WNK3: variants seen among roughly 807,000 people sequenced by gnomAD.
WNK3 encodes WNK lysine deficient protein kinase 3.
A neutral mutation model predicts 116.7 loss-of-function variants in WNK3; 18 were observed. The observed-to-expected ratio is 0.15, with a 90% CI of 0.11 to 0.23. WNK3 has a LOEUF of 0.23. Among genes scored for constraint, WNK3 ranks in the 10% least tolerant of loss-of-function variants. WNK3 has a pLI of 1.00. For synonymous variants in WNK3, 404 were observed against 469.4 expected (o/e 0.86, Z 1.80); for missense variants, 993 against 1,323.8 (o/e 0.75, Z 3.88).
At chrX:54,219,408 G>A (rs1268376091) in intron 22 of WNK3, among the ~76,000 whole-genome samples, 1 of 109,716 alleles carries the variant, frequency 9.1e-6, no homozygotes, top group Non-Finnish European at 1.9e-5. Flanking sequence ...GGCCAGGCAC[G>A]GTGGCTCACA....
At chrX:54,283,764 C>A (rs2147077398) in intron 10 of WNK3, among the ~76,000 whole-genome samples, 1 of 64,897 alleles carries the variant, frequency 1.5e-5, no homozygotes, top group Non-Finnish European at 2.7e-5. Context: ...ACAAGACTGT[C>A]TCAAAAAAAA....
chrX:54,211,638 T>C (rs1300267292), intron 22 of WNK3, among the ~76,000 whole-genome samples: 1 of 109,696 alleles, frequency 9.1e-6, no homozygotes, highest in Non-Finnish European at 1.9e-5. Context: ...ACATCGTCTC[T>C]ACTAAAAATA....
chrX:54,217,379 A>T (rs1557145605), intron 22 of WNK3, among the ~76,000 whole-genome samples: 1 of 52,382 alleles, frequency 1.9e-5, no homozygotes, highest in Non-Finnish European at 3.4e-5. Flanking sequence ...CTGTAATCCC[A>T]GCACTTTGGG....
At chrX:54,281,925 TG>T (rs1257563990) in intron 10 of WNK3, among the ~76,000 whole-genome samples, 3 of 111,811 alleles carry the variant, frequency 2.7e-5, no homozygotes, top group Non-Finnish European at 5.6e-5. Flanking sequence ...AACATGAGGT[TG>T]CAGATATGTC....
intron 10 of WNK3, among the ~76,000 whole-genome samples, chrX:54,278,432 T>TA (rs1284296288): frequency 1.8e-5 from 2 of 108,531 alleles, no homozygotes; most frequent in African/African-American, 6.7e-5. Flanking sequence ...AAAAAAAACT[T>TA]AAAAAAAGAA....
chrX:54,302,508 C>T (rs1189725703), intron 5 of WNK3, among the ~76,000 whole-genome samples: 1 of 108,942 alleles, frequency 9.2e-6, no homozygotes, highest in Admixed American at 1.0e-4. Context: ...ACCATGTTGG[C>T]CTGACTGGTC....
intron 1 of WNK3, among the ~76,000 whole-genome samples, chrX:54,351,207 A>G (rs1333903679): frequency 1.8e-5 from 2 of 111,632 alleles, no homozygotes; most frequent in African/African-American, 6.5e-5. Context: ...ACTCTTCGGG[A>G]GAAAAGTCAT....
intron 7 of WNK3, among the ~76,000 whole-genome samples, chrX:54,297,375 G>A (rs1343169705): frequency 2.7e-5 from 3 of 110,823 alleles, no homozygotes; most frequent in Non-Finnish European, 3.8e-5. Context: ...TCAGGAGTTC[G>A]AGACCAGCCT....
chrX:54,354,389 A>G (rs144209475), intron 1 of WNK3, among the ~76,000 whole-genome samples: 1 of 112,054 alleles, frequency 8.9e-6, no homozygotes, highest in Non-Finnish European at 1.9e-5. Flanking sequence ...AAAATCGAGT[A>G]TATCTGTAAA....
At chrX:54,306,667 A>G (rs1332453780) in intron 5 of WNK3, among the ~76,000 whole-genome samples, 2 of 111,265 alleles carry the variant, frequency 1.8e-5, no homozygotes, top group Non-Finnish European at 3.8e-5. Context: ...CTATTGGTCA[A>G]AAGGTACAAG....
intron 10 of WNK3, among the ~76,000 whole-genome samples, chrX:54,272,457 G>A (rs781931930): frequency 9.9e-5 from 11 of 110,583 alleles, no homozygotes; most frequent in Non-Finnish European, 2.1e-4. Context: ...AAAAAAAAAG[G>A]ATGAAAAAAG....
Position 54,203,347 on chromosome X carries a change from C to T in WNK3, c.4871-1154G>A, listed in dbSNP as rs189608338. Among the ~76,000 whole-genome samples the T allele has an allele frequency of 5.7e-4, 64 of 111,655 alleles. No individual in the cohort carries two copies. The Admixed American group carries it at 6.1e-3, about 11-fold the overall frequency. ...CCAATTCCTCTGACTGAATTATAAG[C>T]CAAAAACTTACAGAGTGGTTCTAAA... On this transcript the variant is annotated intron_variant, in intron 22 of 23. Transcript: ENST00000354646.
chrX:54,222,913 A>AT (rs1557146864), intron 22 of WNK3, among the ~76,000 whole-genome samples: 4 of 81,416 alleles, frequency 4.9e-5, no homozygotes, highest in Admixed American at 3.1e-4. Flanking sequence ...AATAATAATA[A>AT]TAATATATAT....
chrX:54,345,615 T>C (rs1201395652), intron 1 of WNK3, among the ~76,000 whole-genome samples: 2 of 109,051 alleles, frequency 1.8e-5, no homozygotes, highest in African/African-American at 3.3e-5. Context: ...ACCCCATCTC[T>C]ACTAAAAATA....
intron 10 of WNK3, among the ~76,000 whole-genome samples, chrX:54,275,345 A>G (rs2068431368): frequency 9.2e-6 from 1 of 108,624 alleles, no homozygotes; most frequent in Non-Finnish European, 1.9e-5. Context: ...AAACAGATCT[A>G]AATGGAACTC....
chrX:54,251,415 T>C, exon 15 of WNK3: 1 of 1,179,442 alleles, frequency 8.5e-7, no homozygotes, highest in Non-Finnish European at 1.1e-6. Context: ...TTTGAGTAGA[T>C]GTAGAATTTA....
chrX:54,255,037 T>C (rs2068175429), intron 12 of WNK3, among the ~76,000 whole-genome samples: 1 of 110,314 alleles, frequency 9.1e-6, no homozygotes, highest in Non-Finnish European at 1.9e-5. Flanking sequence ...TGGAGTGCAA[T>C]GGTGTGATCT....
At chrX:54,251,476 T>TA in intron 14 of WNK3, 26 bp from the exon 15 acceptor site, 1 of 1,195,053 alleles carries the variant, frequency 8.4e-7, no homozygotes, top group Non-Finnish European at 1.1e-6. Flanking sequence ...ATAGATAAAT[T>TA]AAAAAGTTCC....
chrX:54,298,349 A>G (rs1557166788), exon 7 of WNK3: 4 of 1,211,149 alleles, frequency 3.3e-6, no homozygotes, highest in Non-Finnish European at 4.5e-6. Flanking sequence ...TCAGTCCTGT[A>G]TCCTCAGCAA....
Sources: allele counts gnomAD v4.1 joint callset (sites outside exome capture counted in the v4.1 genomes callset), GRCh38; gene constraint gnomAD v4.1.1; transcripts MANE v1.5; gene names NCBI Gene and HGNC (gene_info 2026-07-23, HGNC 2026-07-21).